The following NIPSNAP2 variants were observed in gnomAD, a reference collection of about 807,000 sequenced individuals.
NIPSNAP2 encodes the protein protein NipSnap homolog 2.
In NIPSNAP2, 42 loss-of-function variants were observed where a neutral mutation model predicts 48.4. That is an observed-to-expected ratio of 0.87 (90% confidence interval 0.68 to 1.12). NIPSNAP2 has a LOEUF of 1.12. Ranked by LOEUF, NIPSNAP2 falls within the 50% of genes most tolerant of loss-of-function variation. The probability of loss-of-function intolerance (pLI) is 0.00; values close to 1 mark genes in which losing one functional copy is unlikely to be tolerated. For missense variants in NIPSNAP2, 314 were observed against 347.3 expected (o/e 0.90, Z 0.76); for synonymous variants, 158 against 126.6 (o/e 1.25, Z -1.67).
intron 1 of NIPSNAP2, among the ~76,000 whole-genome samples, chr7:55,977,148 T>G (rs1280259010): frequency 6.6e-6 from 1 of 152,068 alleles, no homozygotes; most frequent in African/African-American, 2.4e-5. Flanking sequence ...CCTAGCACTT[T>G]GGGAGGCTGA....
At chr7:55,970,274 T>A (rs531495688) in intron 1 of NIPSNAP2, among the ~76,000 whole-genome samples, 17 of 151,656 alleles carry the variant, frequency 1.1e-4, no homozygotes, top group African/African-American at 4.1e-4. Context: ...TGCAGCCATA[T>A]ACCACGCTCC....
intron 7 of NIPSNAP2, among the ~76,000 whole-genome samples, chr7:55,989,864 T>C (rs1352320131): frequency 6.6e-6 from 1 of 151,180 alleles, no homozygotes; most frequent in Non-Finnish European, 1.5e-5. Context: ...CCCAGCACTT[T>C]GGGAGGCTGA....
At chr7:55,987,489 G>T (rs991253901) in intron 7 of NIPSNAP2, among the ~76,000 whole-genome samples, 1 of 152,128 alleles carries the variant, frequency 6.6e-6, no homozygotes, top group African/African-American at 2.4e-5. Flanking sequence ...TTAGCTGGGC[G>T]TGGTAGCGTG....
At chr7:55,989,730 T>A (rs2116367130) in intron 7 of NIPSNAP2, among the ~76,000 whole-genome samples, 1 of 152,240 alleles carries the variant, frequency 6.6e-6, no homozygotes, top group East Asian at 1.9e-4. Context: ...ACTAGTGACA[T>A]TTAGGGTTCT....
intron 3 of NIPSNAP2, 37 bp from the exon 4 acceptor site, chr7:55,981,436 G>A: frequency 2.0e-6 from 3 of 1,527,282 alleles, no homozygotes; most frequent in Non-Finnish European, 2.7e-6. Flanking sequence ...AAATTTTGCT[G>A]GTTGTTTAAT....
At position 56,000,037 on chromosome 7, in the gene NIPSNAP2, TTGAAA is replaced by T. The variant is rs1190596426; in HGVS notation, c.*970_*974del. The T allele has an allele frequency of 9.2e-5, 14 of 152,604 alleles. No homozygotes were observed. The highest frequency in any genetic ancestry group is 1.4e-4 in the African/African-American group (6 of 41,438). The allele number at this position is 152,604 out of a possible 1,614,324, so 9.5% of individuals were successfully genotyped here. ...TGACTGTTACCATGTGAAAGTCCTG[TTGAAA>T]TGAACAATTGTCTGCCCCACAATCA... is the stretch of plus-strand genomic sequence containing the variant. On this transcript the variant is annotated 3_prime_UTR_variant, in exon 10 of 10. Coordinates refer to ENST00000322090, the MANE Select transcript of NIPSNAP2 (RefSeq NM_001483.3).
chr7:55,970,209 G>A (rs553162439), intron 1 of NIPSNAP2, among the ~76,000 whole-genome samples: 7 of 152,000 alleles, frequency 4.6e-5, no homozygotes, highest in African/African-American at 1.7e-4. Flanking sequence ...CATACCTGGT[G>A]CTGCTGGGCA....
intron 2 of NIPSNAP2, 33 bp downstream of exon 2, chr7:55,978,298 C>A: frequency 6.2e-7 from 1 of 1,612,922 alleles, no homozygotes; most frequent in Non-Finnish European, 8.5e-7. Context: ...TCATAGTTGA[C>A]TTTTTTTCCC....
chr7:55,965,872 G>A (rs1786882895), intron 1 of NIPSNAP2, among the ~76,000 whole-genome samples: 1 of 152,198 alleles, frequency 6.6e-6, no homozygotes, highest in Admixed American at 6.5e-5. Context: ...TGAATCACCA[G>A]GCGCGGCCTG....
rs1278521225 is a variant in NIPSNAP2 at position 55,983,778 on chromosome 7, G to T, written c.495G>T (p.Lys165Asn). 1 of 1,613,998 alleles carries T rather than the reference G, an allele frequency of 6.2e-7. No homozygotes were observed. The highest frequency in any genetic ancestry group is 1.7e-5 in the Admixed American group (1 of 59,988). ...KARSDMLLSR[K>N]NQLLLEFSFW... ...GAAGTGACATGCTTCTCTCCAGGAAGAATCAGCTCCTGTTGGAGTTCAGTT... is the reference window on the plus strand; with the variant it reads ...GAAGTGACATGCTTCTCTCCAGGAATAATCAGCTCCTGTTGGAGTTCAGTT... Residue 165 changes from lysine (K) to asparagine (N), a missense_variant, in exon 6 of 10, where the codon AAG becomes AAT. Transcript: ENST00000322090.
chr7:55,997,461 A>ACAGC lies in NIPSNAP2; in HGVS notation c.796+15_796+18dup, dbSNP rs1271359982. 5 of 1,587,634 alleles carry ACAGC rather than the reference A, an allele frequency of 3.1e-6. No homozygotes were observed. Among genetic ancestry groups the ACAGC allele is most frequent in the Middle Eastern group, 1.7e-4 (1 of 6,020 alleles). On this transcript the variant is annotated intron_variant, in intron 9 of 9. Coordinates refer to ENST00000322090, the MANE Select transcript of NIPSNAP2 (RefSeq NM_001483.3). The stretch of plus-strand genomic sequence containing the variant: ...GGTATATTACACAGGTAATCTCTTA[A>ACAGC]CAGCCATGAAATATGCTTTTTGTCT...
intron 1 of NIPSNAP2, among the ~76,000 whole-genome samples, chr7:55,969,077 C>A (rs1786960124): frequency 6.6e-6 from 1 of 151,790 alleles, no homozygotes; most frequent in African/African-American, 2.4e-5. Context: ...AATTAAAAAG[C>A]AAATATATAT....
intron 7 of NIPSNAP2, among the ~76,000 whole-genome samples, chr7:55,993,596 C>T (rs1439665168): frequency 2.7e-5 from 4 of 146,440 alleles, no homozygotes; most frequent in Admixed American, 6.9e-5. Flanking sequence ...AAAAAAAAGC[C>T]GAGCGTGATG....
intron 7 of NIPSNAP2, chr7:55,991,780 A>G (rs1403501013): frequency 4.4e-6 from 1 of 225,716 alleles, no homozygotes; most frequent in South Asian, 6.0e-5. Flanking sequence ...ATATATATAT[A>G]TAATTTATAA....
intron 4 of NIPSNAP2, chr7:55,981,924 A>C: frequency 3.1e-6 from 1 of 321,534 alleles, no homozygotes; most frequent in South Asian, 5.1e-5. Flanking sequence ...CTTCTGCTTT[A>C]GCCTCCCAAG....
At chr7:55,971,381 C>G (rs918034136) in intron 1 of NIPSNAP2, among the ~76,000 whole-genome samples, 3 of 152,188 alleles carry the variant, frequency 2.0e-5, no homozygotes, top group Non-Finnish European at 2.9e-5. Flanking sequence ...AGTCTCACCC[C>G]CTGCTCTGCA....
intron 7 of NIPSNAP2, among the ~76,000 whole-genome samples, chr7:55,992,225 G>A (rs757171519): frequency 2.0e-5 from 3 of 152,084 alleles, no homozygotes; most frequent in Non-Finnish European, 4.4e-5. Flanking sequence ...TAGAGCAGAG[G>A]TGTAGAGTGA....
At chr7:55,989,364 C>T (rs1004995995) in intron 7 of NIPSNAP2, among the ~76,000 whole-genome samples, 4 of 152,198 alleles carry the variant, frequency 2.6e-5, no homozygotes, top group Non-Finnish European at 5.9e-5. Flanking sequence ...ATGGCTCACA[C>T]CTCTAATTCC....
chr7:55,997,294 C>CTT, intron 8 of NIPSNAP2, 72 bp from the exon 9 acceptor site: 1 of 1,115,484 alleles, frequency 9.0e-7, no homozygotes, highest in Non-Finnish European at 1.4e-6. Flanking sequence ...TGAAGCAAGA[C>CTT]TTTAACGGAT....
Sources: allele counts gnomAD v4.1 joint callset (sites outside exome capture counted in the v4.1 genomes callset), GRCh38; gene constraint gnomAD v4.1.1; transcripts MANE v1.5; gene names NCBI Gene and HGNC (gene_info 2026-07-23, HGNC 2026-07-21).